The following JDP2 variants were observed in gnomAD, a reference collection of about 807,000 sequenced individuals.
JDP2 encodes the protein progesterone receptor co-activator.
Under a neutral mutation model 17.1 loss-of-function variants are expected in JDP2, and 9 were observed. The observed-to-expected ratio is 0.53, with a 90% CI of 0.32 to 0.92. The LOEUF (loss-of-function observed/expected upper bound fraction) is 0.92. Ranked by LOEUF, JDP2 falls within the 40% of genes least tolerant of loss-of-function variation. The pLI, the probability that JDP2 is intolerant of heterozygous loss-of-function variation, is 0.04. For missense variants in JDP2, 179 were observed against 220.0 expected (o/e 0.81, Z 1.18); for synonymous variants, 107 against 95.6 (o/e 1.12, Z -0.69).
intron 1 of JDP2, among the ~76,000 whole-genome samples, chr14:75,431,201 T>G (rs1884781237): frequency 6.6e-6 from 1 of 152,252 alleles, no homozygotes; most frequent in African/African-American, 2.4e-5. Context: ...TTCCTCTTGC[T>G]GCCTGGGTTA....
intron 1 of JDP2, chr14:75,432,419 G>A (rs191644038): frequency 4.9e-5 from 67 of 1,357,034 alleles, no homozygotes; most frequent in Middle Eastern, 2.0e-4. Context: ...TTCTGTCCTG[G>A]GAATCTTCCC....
At chr14:75,465,301 TA>T (rs11305936) in intron 3 of JDP2, among the ~76,000 whole-genome samples, 152,263 of 152,268 alleles carry the variant, frequency 1, 76,129 homozygotes, top group Middle Eastern at 1. Context: ...AATAGCTTTT[TA>T]AAAAATATAG....
At position 75,469,419 on chromosome 14, in the gene JDP2, G is replaced by T. The variant is rs1247665842; in HGVS notation, c.436G>T (p.Val146Phe). The T allele has an allele frequency of 1.2e-6, 2 of 1,614,150 alleles. No individual in the cohort carries two copies. Among genetic ancestry groups the T allele is most frequent in the Non-Finnish European group, 1.7e-6 (2 of 1,180,018 alleles). Residue 146 changes from valine (V) to phenylalanine (F), a missense_variant, in exon 4 of 4, where the codon GTC (valine) becomes TTC (phenylalanine). By Grantham distance (50) the Val-to-Phe change is conservative. Transcript: ENST00000651602. ...CACCTGCATCGTCCGGACCGACAGT[G>T]TCAAGACCCCCGAGTCAGAAGGCAA... Reference protein sequence around the residue: ...RPTCIVRTDSVKTPESEGNPL... With the variant: ...RPTCIVRTDSFKTPESEGNPL...
rs1463403176 is a variant in JDP2, at chr14:75,472,974, C to T, written c.*3499C>T. ...ACACATAAGACCTGTGCCACCTCTG[C>T]CCAGGGTTCCTATGAGAATCAATCG... On this transcript the variant is annotated 3_prime_UTR_variant, in exon 4 of 4. Transcript: ENST00000651602. 1 of 152,238 alleles carries T rather than the reference C, an allele frequency of 6.6e-6. No homozygotes were observed. Among genetic ancestry groups the T allele is most frequent in the African/African-American group, 2.4e-5 (1 of 41,452 alleles). The allele number at this position is 152,238 out of a possible 1,614,324, so 9.4% of individuals were successfully genotyped here.
intron 3 of JDP2, 78 bp downstream of exon 3, chr14:75,461,608 A>G (rs1052265150): frequency 4.4e-6 from 5 of 1,132,104 alleles, no homozygotes; most frequent in Non-Finnish European, 3.9e-6. Context: ...AGAGGCCATC[A>G]GATGTCTCTG....
chr14:75,457,903 T>G (rs1886186175), intron 2 of JDP2, among the ~76,000 whole-genome samples: 1 of 152,246 alleles, frequency 6.6e-6, no homozygotes, highest in Admixed American at 6.5e-5. Flanking sequence ...GCCATGCAGA[T>G]GCAAACGGGT....
chr14:75,429,208 C>A (rs1042696470), intron 1 of JDP2, among the ~76,000 whole-genome samples: 1 of 152,106 alleles, frequency 6.6e-6, no homozygotes, highest in Non-Finnish European at 1.5e-5. Flanking sequence ...GAGAAATCAG[C>A]CGACCCCCTT....
intron 2 of JDP2, among the ~76,000 whole-genome samples, chr14:75,439,116 G>A (rs1379207296): frequency 1.3e-5 from 2 of 152,152 alleles, no homozygotes; most frequent in East Asian, 3.9e-4. Flanking sequence ...CTGAAGTGCT[G>A]GAAGTGCTGG....
rs1885721199 is a variant in JDP2 at position 75,448,773 on chromosome 14, A to C, written c.201+10652A>C. Reference sequence around the variant, plus strand: ...AGGAAGAATCAGAGAAGCTGTTCTCATGCCAAAGGAACCCTCATTTGCTGC... The same window carrying C: ...AGGAAGAATCAGAGAAGCTGTTCTCCTGCCAAAGGAACCCTCATTTGCTGC... On this transcript the variant is annotated intron_variant, in intron 2 of 3. Transcript: ENST00000651602. 2.0e-5 allele frequency among the ~76,000 whole-genome samples: 3 copies of C among 152,316 alleles called. 1 individual carries two copies. The highest frequency in any genetic ancestry group is 7.2e-5 in the African/African-American group (3 of 41,550).
intron 2 of JDP2, among the ~76,000 whole-genome samples, chr14:75,455,031 TGTG>T (rs1886039914): frequency 6.6e-6 from 1 of 152,110 alleles, no homozygotes; most frequent in Non-Finnish European, 1.5e-5. Flanking sequence ...GGATGGAGAA[TGTG>T]GTGGACACCT....
chr14:75,432,165 T>G, intron 1 of JDP2: 1 of 668,294 alleles, frequency 1.5e-6, no homozygotes, highest in Non-Finnish European at 2.6e-6. Context: ...TCGCCTTCAC[T>G]CTCAGTCTTG....
At chr14:75,443,076 C>T (rs1187045204) in intron 2 of JDP2, among the ~76,000 whole-genome samples, 1 of 152,092 alleles carries the variant, frequency 6.6e-6, no homozygotes, top group Non-Finnish European at 1.5e-5. Flanking sequence ...CCATCTTCTC[C>T]AGGGTCCCTG....
chr14:75,460,961 G>A (rs755318265), intron 2 of JDP2, among the ~76,000 whole-genome samples: 3 of 152,162 alleles, frequency 2.0e-5, no homozygotes, highest in Non-Finnish European at 2.9e-5. Flanking sequence ...GTCTTGTGAG[G>A]GCCTTCTTGC....
chr14:75,456,769 G>A (rs1886126882), intron 2 of JDP2, among the ~76,000 whole-genome samples: 1 of 152,184 alleles, frequency 6.6e-6, no homozygotes, highest in African/African-American at 2.4e-5. Context: ...GGATCTCCCT[G>A]TCCAATTTAA....
rs1408478186 is a variant in JDP2, at chr14:75,469,277, T to C, written c.307-13T>C. 1 of 1,610,906 alleles carries C rather than the reference T, an allele frequency of 6.2e-7. No homozygotes were observed. Among genetic ancestry groups the C allele is most frequent in the East Asian group, 2.2e-5 (1 of 44,778 alleles). On this transcript the variant is annotated splice_polypyrimidine_tract_variant and intron_variant, in intron 3 of 3. Coordinates refer to ENST00000651602, the MANE Select transcript of JDP2 (RefSeq NM_001135048.2). ...CCGTGAAACTCACAGCGTGCTTCTG[T>C]GTTGGTATACAGGAATCCGAGCGGC...
At chr14:75,460,715 A>G (rs1350310996) in intron 2 of JDP2, among the ~76,000 whole-genome samples, 1 of 152,156 alleles carries the variant, frequency 6.6e-6, no homozygotes, top group Non-Finnish European at 1.5e-5. Context: ...CTGCTTTTGC[A>G]TATTCTTCCC....
At chr14:75,437,793 G>A (rs1885137837) in intron 1 of JDP2, 105 bp from the exon 2 acceptor site, 2 of 723,906 alleles carry the variant, frequency 2.8e-6, no homozygotes, top group East Asian at 2.8e-5. Flanking sequence ...GGGATTCAGG[G>A]GAACATTGGT....
At chr14:75,468,041 G>T (rs1468697765) in intron 3 of JDP2, among the ~76,000 whole-genome samples, 1 of 152,138 alleles carries the variant, frequency 6.6e-6, no homozygotes, top group East Asian at 1.9e-4. Context: ...CCCACTGAGG[G>T]TTCTGGGGAC....
intron 2 of JDP2, 84 bp from the exon 3 acceptor site, chr14:75,461,342 G>A: frequency 2.0e-6 from 2 of 1,004,976 alleles, no homozygotes; most frequent in South Asian, 2.7e-5. Flanking sequence ...GAAAGGCGAA[G>A]TTGTCCCTCT....
Sources: gnomAD v4.1 joint callset for allele counts (sites outside exome capture counted in the v4.1 genomes callset) on GRCh38, gnomAD v4.1.1 for gene constraint, MANE v1.5 for transcripts, NCBI Gene and HGNC (gene_info 2026-07-23, HGNC 2026-07-21) for gene names.